The following DGKH variants were observed in gnomAD, a reference collection of about 807,000 sequenced individuals.
DGKH encodes DAG kinase eta.
Under a neutral mutation model 159.3 loss-of-function variants are expected in DGKH, and 90 were observed. The observed-to-expected ratio is 0.57, with a 90% confidence interval of 0.48 to 0.67. The LOEUF is 0.67. Among genes scored for constraint, DGKH ranks in the 30% least tolerant of loss-of-function variants. DGKH has a pLI of 0.00. For missense variants in DGKH, 1,181 were observed against 1,506.1 expected (o/e 0.78, Z 3.57); for synonymous variants, 536 against 553.8 (o/e 0.97, Z 0.45).
chr13:42,114,442 TGTGC>T (rs763018933), intron 1 of DGKH, among the ~76,000 whole-genome samples: 35,537 of 152,066 alleles, frequency 0.23, 4,698 homozygotes, highest in African/African-American at 0.35. Flanking sequence ...AGCTATTATC[TGTGC>T]CAGGAACTCT....
In DGKH at chr13:42,207,062, C is replaced by CTTCTTTCTTTCT. The variant is rs760771890; in HGVS notation, c.2601+957_2601+968dup. 1.4e-3 allele frequency among the ~76,000 whole-genome samples: 89 copies of CTTCTTTCTTTCT among 65,356 alleles called. 2 individuals carry two copies. Among genetic ancestry groups the CTTCTTTCTTTCT allele is most frequent in the African/African-American group, 3.8e-3 (53 of 13,960 alleles). 42.9% of individuals were successfully genotyped at this position (65,356 alleles called of 152,430 possible). A position where few individuals can be genotyped will look rare whatever the true frequency, so the allele number is the denominator to read the frequency against. ...CTTTCCTTCTTTCCTTCTTTCCTTC[C>CTTCTTTCTTTCT]TTCTTTCTTTCTTTCTTTCTTTCTT... On this transcript the variant is annotated intron_variant, in intron 21 of 29. Transcript: ENST00000337343.
chr13:42,096,211 G>C (rs977215663), intron 1 of DGKH, among the ~76,000 whole-genome samples: 1 of 151,890 alleles, frequency 6.6e-6, no homozygotes, highest in Non-Finnish European at 1.5e-5. Flanking sequence ...ACTGAACACA[G>C]TACCCAACAG....
At chr13:42,066,977 T>A (rs1882624223) in intron 1 of DGKH, among the ~76,000 whole-genome samples, 2 of 152,090 alleles carry the variant, frequency 1.3e-5, no homozygotes, top group African/African-American at 4.8e-5. Flanking sequence ...GAATATAACA[T>A]ATAACATGTG....
chr13:42,070,499 G>T, intron 1 of DGKH: 11 of 1,283,522 alleles, frequency 8.6e-6, no homozygotes, highest in South Asian at 4.8e-5. Context: ...AAGACATGGA[G>T]ATCTGTACCA....
chr13:42,124,537 T>G (rs1271817108), intron 1 of DGKH, among the ~76,000 whole-genome samples: 1 of 152,102 alleles, frequency 6.6e-6, no homozygotes, highest in Non-Finnish European at 1.5e-5. Context: ...TAAGTAGGCT[T>G]TGGGGTGAGA....
intron 24 of DGKH, 61 bp from the exon 25 acceptor site, chr13:42,214,446 C>A (rs1304492557): frequency 2.0e-6 from 3 of 1,512,242 alleles, no homozygotes; most frequent in Non-Finnish European, 2.7e-6. Context: ...TTCTATACTT[C>A]AAAAAAAATG....
chr13:42,143,111 T>C lies in DGKH; in HGVS notation c.385-12180T>C, dbSNP rs758568152. ...TTTTGAGAGTTTTTAGCATGAAGGG[T>C]TGTTGAATTTTGTCAAAGGCCTTTT... On this transcript the variant is annotated intron_variant, in intron 3 of 29. Coordinates refer to ENST00000337343, the MANE Select transcript of DGKH (RefSeq NM_178009.5). Among the ~76,000 whole-genome samples the C allele has an allele frequency of 1.7e-4, 26 of 151,948 alleles. 1 individual carries two copies. The East Asian group carries it at 1.9e-3, about 11-fold the overall frequency.
intron 1 of DGKH, among the ~76,000 whole-genome samples, chr13:42,054,074 A>G (rs145020633): frequency 8.5e-5 from 13 of 152,358 alleles, no homozygotes; most frequent in African/African-American, 2.4e-4. Context: ...TCACTGCCTT[A>G]CAAAGTACAA....
At chr13:42,137,271 A>G (rs969223116) in intron 3 of DGKH, among the ~76,000 whole-genome samples, 1 of 152,228 alleles carries the variant, frequency 6.6e-6, no homozygotes, top group African/African-American at 2.4e-5. Flanking sequence ...CACAAAAGGT[A>G]TTTAGATTAT....
intron 1 of DGKH, among the ~76,000 whole-genome samples, chr13:42,087,530 T>C (rs1222334131): frequency 6.6e-6 from 1 of 152,144 alleles, no homozygotes; most frequent in Non-Finnish European, 1.5e-5. Flanking sequence ...CTACTATTAG[T>C]ATACTTCGTT....
intron 21 of DGKH, among the ~76,000 whole-genome samples, chr13:42,207,186 CT>C (rs1957527943): frequency 2.5e-5 from 2 of 80,212 alleles, no homozygotes; most frequent in African/African-American, 8.5e-5. Flanking sequence ...TCCTTCCTTC[CT>C]TCCTTCCTTC....
intron 21 of DGKH, among the ~76,000 whole-genome samples, chr13:42,208,450 C>T (rs1309258241): frequency 5.3e-5 from 8 of 152,044 alleles, no homozygotes; most frequent in Admixed American, 5.2e-4. Flanking sequence ...AAATATAAAG[C>T]ACATATGTAT....
chr13:42,198,585 C>T lies in DGKH; in HGVS notation c.2275C>T (p.Leu759=). The T allele has an allele frequency of 6.2e-7, 1 of 1,609,590 alleles. No homozygotes were observed. Among genetic ancestry groups the T allele is most frequent in the Non-Finnish European group, 8.5e-7 (1 of 1,178,586 alleles). The change falls in exon 18 of 30, where the codon CTA becomes TTA. Residue 759 remains leucine, a synonymous_variant. Coordinates refer to ENST00000337343, the MANE Select transcript of DGKH (RefSeq NM_178009.5). ...TGCCACGCCGTTTATTGACCCGGAT[C>T]TAGATTCCGTGTAAGAAAATGCTTT... The part of the protein sequence containing the change: ...FGATPFIDPD[L]DSVDGYSEKC...
At chr13:42,116,951 T>A (rs1954979296) in intron 1 of DGKH, among the ~76,000 whole-genome samples, 1 of 152,236 alleles carries the variant, frequency 6.6e-6, no homozygotes, top group African/African-American at 2.4e-5. Context: ...TTGATCTTTT[T>A]GCTTTTAATT....
At chr13:42,135,803 T>C (rs539990116) in intron 3 of DGKH, among the ~76,000 whole-genome samples, 252 of 152,294 alleles carry the variant, frequency 1.7e-3, no homozygotes, top group African/African-American at 5.7e-3. Flanking sequence ...TCCTGATGTT[T>C]AATCTAAGGC....
rs560692544 is a variant in DGKH at position 42,094,233 on chromosome 13, C to T, written c.193-33230C>T. 3.9e-5 allele frequency among the ~76,000 whole-genome samples: 6 copies of T among 152,096 alleles called. 1 individual carries two copies. The highest frequency in any genetic ancestry group is 1.9e-4 in the East Asian group (1 of 5,190). On this transcript the variant is annotated intron_variant, in intron 1 of 29. Coordinates refer to ENST00000337343, the MANE Select transcript of DGKH (RefSeq NM_178009.5). ...TGTATACATGTGTAACAAACCTGCA[C>T]GTTGTGCACCTGTACCCTAAAACTT... is the stretch of plus-strand genomic sequence containing the variant.
chr13:42,213,550 G>T (rs1213078229), intron 24 of DGKH, among the ~76,000 whole-genome samples: 2 of 152,052 alleles, frequency 1.3e-5, no homozygotes, highest in African/African-American at 4.8e-5. Context: ...ATTCTTCATG[G>T]TTTCTCAGGG....
At chr13:42,126,451 C>T (rs763293625) in intron 1 of DGKH, among the ~76,000 whole-genome samples, 1 of 152,054 alleles carries the variant, frequency 6.6e-6, no homozygotes, top group Non-Finnish European at 1.5e-5. Context: ...AGTATGTAGG[C>T]CCACTGCAGA....
At chr13:42,082,433 G>C (rs559582799) in intron 1 of DGKH, among the ~76,000 whole-genome samples, 58 of 151,902 alleles carry the variant, frequency 3.8e-4, no homozygotes, top group African/African-American at 1.3e-3. Context: ...TTCTCATGTT[G>C]TTTGCCTTAT....
Sources: gnomAD v4.1 joint callset for allele counts (sites outside exome capture counted in the v4.1 genomes callset) on GRCh38, gnomAD v4.1.1 for gene constraint, MANE v1.5 for transcripts, NCBI Gene and HGNC (gene_info 2026-07-23, HGNC 2026-07-21) for gene names.